Variants in PCDHGA10 observed in about 807,000 individuals in gnomAD.
The protein encoded by PCDHGA10 is protocadherin gamma subfamily A, 10, also known as protocadherin gamma-A10.
A neutral mutation model predicts 59.5 loss-of-function variants in PCDHGA10; 42 were observed. That is an observed-to-expected ratio of 0.71 (90% CI 0.55 to 0.91). PCDHGA10 has a LOEUF of 0.91. Ranked by LOEUF, PCDHGA10 falls within the 40% of genes least tolerant of loss-of-function variation. The pLI is 0.00. For missense variants in PCDHGA10, 1,111 were observed against 1,198.2 expected, an observed-to-expected ratio of 0.93 and a Z score of 1.07; for synonymous variants, 511 against 517.2, an observed-to-expected ratio of 0.99 and a Z score of 0.16.
intron 1 of PCDHGA10, among the ~76,000 whole-genome samples, chr5:141,439,139 G>T (rs2098090438): frequency 6.6e-6 from 1 of 150,672 alleles, no homozygotes; most frequent in South Asian, 2.1e-4. Flanking sequence ...GTTGCAGTGA[G>T]CTGAGATCAC....
intron 2 of PCDHGA10, among the ~76,000 whole-genome samples, chr5:141,495,943 C>T (rs998665622): frequency 3.9e-5 from 6 of 152,010 alleles, no homozygotes; most frequent in African/African-American, 1.4e-4. Flanking sequence ...GTCTCTGTGC[C>T]TGTTGTCTTT....
intron 1 of PCDHGA10, 180 bp downstream of exon 1, chr5:141,415,791 CCTAGTCTCAA>C: frequency 2.2e-6 from 3 of 1,341,938 alleles, no homozygotes; most frequent in Non-Finnish European, 1.9e-6. Flanking sequence ...GTAAAATTCA[CCTAGTCTCAA>C]TCAAGGCCTA....
At chr5:141,421,009 T>C (rs948913987) in intron 1 of PCDHGA10, 1 of 515,496 alleles carries the variant, frequency 1.9e-6, no homozygotes, top group East Asian at 3.2e-5. Flanking sequence ...AATCAGGGAA[T>C]GGGAAGCTGC....
rs139344941 is a variant in PCDHGA10, at chr5:141,480,950, C to T, written c.2437-13857C>T. Among the ~76,000 whole-genome samples the T allele has an allele frequency of 6.7e-3, 1,016 of 152,086 alleles. 11 individuals carry two copies. Among genetic ancestry groups the T allele is most frequent in the African/African-American group, 0.023 (953 of 41,456 alleles). On this transcript the variant is annotated intron_variant, in intron 1 of 3. Transcript: ENST00000398610. ...GTCCCAGCTACTCTAGAGGCTGAGG[C>T]GGAAGCATCAGTGAGGGAGAATCAG...
chr5:141,457,676 A>G (rs1380484149), intron 1 of PCDHGA10, among the ~76,000 whole-genome samples: 2 of 152,240 alleles, frequency 1.3e-5, no homozygotes, highest in East Asian at 3.8e-4. Flanking sequence ...TTATTTCTAC[A>G]TAGGACTTTT....
chr5:141,463,438 C>CTTTTTTTT (rs71576115), intron 1 of PCDHGA10, among the ~76,000 whole-genome samples: 3 of 103,252 alleles, frequency 2.9e-5, no homozygotes, highest in African/African-American at 8.9e-5. Context: ...TTTCCTTCTC[C>CTTTTTTTT]TTTTTTTTTT....
At position 141,505,451 on chromosome 5, in the gene PCDHGA10, C is replaced by T. The variant is rs1350424069; in HGVS notation, c.2554C>T (p.Leu852=). Residue 852 remains leucine (L), a synonymous_variant, in exon 3 of 4, where the codon CTG becomes TTG. Transcript: ENST00000398610. The part of the protein sequence containing the change: ...WPNNQFDTEM[L]QAMILASASE... ...CAACAACCAGTTTGACACAGAGATG[C>T]TGCAAGCCATGATCTTGGCGTCCGC... The T allele has an allele frequency of 1.2e-6, 2 of 1,614,222 alleles. No individual in the cohort carries two copies. The highest frequency in any genetic ancestry group is 1.7e-6 in the Non-Finnish European group (2 of 1,180,048).
chr5:141,428,267 T>C, intron 1 of PCDHGA10: 1 of 796,264 alleles, frequency 1.3e-6, no homozygotes, highest in Non-Finnish European at 2.1e-6. Context: ...GACAGTCCTG[T>C]GCCCTCTGAT....
At chr5:141,423,567 C>T (rs771827702) in intron 1 of PCDHGA10, 4 of 1,613,602 alleles carry the variant, frequency 2.5e-6, no homozygotes, top group Admixed American at 1.7e-5. Flanking sequence ...GGGACACGCT[C>T]ATCAGCCAGG....
Position 141,415,055 on chromosome 5 carries a change from C to G in PCDHGA10, c.1880C>G (p.Thr627Arg). 1.2e-6 allele frequency: 2 copies of G among 1,613,402 alleles called. No homozygotes were observed. The highest frequency in any genetic ancestry group is 2.2e-5 in the East Asian group (1 of 44,860). Residue 627 changes from threonine (T) to arginine (R), a missense_variant, in exon 1 of 4, where the codon ACG becomes AGG. Transcript: ENST00000398610. ...GGACTCTTCGCGGTGGGGGAGCACA[C>G]GGGCGAGGTGCGCACGGCGCGAGCC... ...EPGLFAVGEH[T>R]GEVRTARALL...
intron 2 of PCDHGA10, among the ~76,000 whole-genome samples, chr5:141,497,781 C>T (rs2099779421): frequency 1.3e-5 from 2 of 152,192 alleles, no homozygotes; most frequent in African/African-American, 4.8e-5. Flanking sequence ...CTCAACTGAT[C>T]CACCTGCTTC....
intron 1 of PCDHGA10, chr5:141,423,735 G>A (rs2096770441): frequency 1.3e-6 from 1 of 777,372 alleles, no homozygotes; most frequent in African/African-American, 2.5e-5. Context: ...TTTTGAGCCT[G>A]TTATGAAAAC....
At chr5:141,496,121 C>G (rs1391009290) in intron 2 of PCDHGA10, among the ~76,000 whole-genome samples, 1 of 152,088 alleles carries the variant, frequency 6.6e-6, no homozygotes, top group Non-Finnish European at 1.5e-5. Context: ...TCCTTCCCTG[C>G]CCCTCACACA....
At chr5:141,470,124 G>A (rs1038487398) in intron 1 of PCDHGA10, among the ~76,000 whole-genome samples, 4 of 151,358 alleles carry the variant, frequency 2.6e-5, no homozygotes, top group African/African-American at 9.7e-5. Flanking sequence ...GCAAGACTTC[G>A]TCTCAAAAAA....
rs374663576 is a variant in PCDHGA10 at position 141,489,905 on chromosome 5, G to A, written c.2437-4902G>A. The A allele has an allele frequency of 2.8e-4, 459 of 1,614,108 alleles. No homozygotes were observed. Among genetic ancestry groups the A allele is most frequent in the Non-Finnish European group, 3.4e-4 (405 of 1,180,054 alleles). On this transcript the variant is annotated intron_variant, in intron 1 of 3. Coordinates refer to ENST00000398610, the MANE Select transcript of PCDHGA10 (RefSeq NM_018913.3). The surrounding 1 kb of genome is among the most constrained non-coding windows in gnomAD (Gnocchi z 4.5). ...GCTGTGGATGGGGGGACCCCAGCCC[G>A]CTCAGGGACCACCCTTATCTCTGTC...
chr5:141,419,121 C>T, intron 1 of PCDHGA10: 5 of 1,613,882 alleles, frequency 3.1e-6, no homozygotes, highest in Non-Finnish European at 3.4e-6. Flanking sequence ...TACAACGTCA[C>T]CATCGCAGCC....
At chr5:141,438,630 A>ATG (rs2098034686) in intron 1 of PCDHGA10, among the ~76,000 whole-genome samples, 1 of 38,920 alleles carries the variant, frequency 2.6e-5, no homozygotes, top group Non-Finnish European at 4.2e-5. Flanking sequence ...ATATATATAT[A>ATG]TATATACACA....
chr5:141,458,413 G>T lies in PCDHGA10; in HGVS notation c.2437-36394G>T, dbSNP rs138479316. On this transcript the variant is annotated intron_variant, in intron 1 of 3. Coordinates refer to ENST00000398610, the MANE Select transcript of PCDHGA10 (RefSeq NM_018913.3). ...TCCCCCTTGCAGAGACGGAGCGGGG[G>T]TTCCAAAGCTGAAAGAGGAGGTCCC... Among the ~76,000 whole-genome samples the T allele has an allele frequency of 9.0e-4, 137 of 152,196 alleles. 5 individuals carry two copies. The East Asian group carries it at 0.026, about 28-fold the overall frequency.
chr5:141,478,135 C>T (rs1307702473), intron 1 of PCDHGA10: 7 of 1,613,970 alleles, frequency 4.3e-6, no homozygotes, highest in African/African-American at 1.3e-5. Flanking sequence ...CTCCTGAAGC[C>T]CGAGCCGAGT....
Sources: gnomAD v4.1 joint callset for allele counts (sites outside exome capture counted in the v4.1 genomes callset) on GRCh38, gnomAD v4.1.1 for gene constraint, Gnocchi (gnomAD v3.1) non-coding constraint, MANE v1.5 for transcripts, NCBI Gene and HGNC (gene_info 2026-07-23, HGNC 2026-07-21) for gene names.